The following OGFOD1 variants were observed in gnomAD, a reference collection of about 807,000 sequenced individuals.
The protein encoded by OGFOD1 is 2-oxoglutarate and iron dependent oxygenase domain containing 1, also known as prolyl 3-hydroxylase OGFOD1.
In OGFOD1, 54 loss-of-function variants were observed where a neutral mutation model predicts 67.7. The observed-to-expected ratio is 0.80, with a 90% CI of 0.64 to 1.00. OGFOD1 has a LOEUF of 1.00. Ranked by LOEUF, OGFOD1 falls within the 50% of genes least tolerant of loss-of-function variation. The probability of loss-of-function intolerance (pLI) is 0.00; values close to 1 mark genes in which losing one functional copy is unlikely to be tolerated. For synonymous variants in OGFOD1, 221 were observed against 227.0 expected (o/e 0.97, Z 0.24); for missense variants, 606 against 646.7 (o/e 0.94, Z 0.68).
chr16:56,475,973 C>G, intron 12 of OGFOD1, 71 bp from the exon 13 acceptor site: 1 of 1,346,288 alleles, frequency 7.4e-7, no homozygotes, highest in South Asian at 1.3e-5. Context: ...ACCATCTGTT[C>G]CATGGTTAAT....
chr16:56,460,379 G>A (rs1473849937), intron 3 of OGFOD1, among the ~76,000 whole-genome samples: 2 of 152,236 alleles, frequency 1.3e-5, no homozygotes, highest in East Asian at 3.8e-4. Flanking sequence ...CACTTTCATA[G>A]AATGAATAGA....
intron 2 of OGFOD1, among the ~76,000 whole-genome samples, chr16:56,456,638 A>G (rs1962532470): frequency 6.6e-6 from 1 of 152,240 alleles, no homozygotes; most frequent in African/African-American, 2.4e-5. Context: ...AACAGATACG[A>G]TAGTGGTCCC....
intron 2 of OGFOD1, among the ~76,000 whole-genome samples, chr16:56,455,259 C>T (rs531459556): frequency 6.3e-4 from 96 of 151,532 alleles, no homozygotes; most frequent in African/African-American, 2.3e-3. Context: ...CCCAGCTACT[C>T]GGAAGGCTGA....
chr16:56,458,844 C>T (rs1246389228), intron 3 of OGFOD1: 2 of 469,170 alleles, frequency 4.3e-6, no homozygotes, highest in Non-Finnish European at 7.7e-6. Context: ...TGTTAGTAAT[C>T]AAGGAAACAG....
chr16:56,461,059 C>G (rs1310581040), intron 3 of OGFOD1, among the ~76,000 whole-genome samples: 1 of 152,194 alleles, frequency 6.6e-6, no homozygotes, highest in African/African-American at 2.4e-5. Context: ...CAACACTCAT[C>G]ATTATTGCCA....
chr16:56,475,747 A>T (rs922575205), intron 12 of OGFOD1, among the ~76,000 whole-genome samples, 182 bp downstream of exon 12: 4 of 152,238 alleles, frequency 2.6e-5, no homozygotes, highest in Non-Finnish European at 5.9e-5. Flanking sequence ...GATACTCAGT[A>T]AGCATTTATT....
At chr16:56,464,980 ACATT>A (rs1341425108) in intron 4 of OGFOD1, among the ~76,000 whole-genome samples, 2 of 151,944 alleles carry the variant, frequency 1.3e-5, no homozygotes, top group African/African-American at 2.4e-5. Context: ...GCACACACAT[ACATT>A]TACATTTGGA....
At position 56,466,166 on chromosome 16, in the gene OGFOD1, CATG is replaced by C; in HGVS notation, c.471_473del (p.Asp157del). 1 of 1,613,946 alleles carries C rather than the reference CATG, an allele frequency of 6.2e-7. No individual in the cohort carries two copies. Among genetic ancestry groups the C allele is most frequent in the East Asian group, 2.2e-5 (1 of 44,882 alleles). On this transcript the variant is annotated inframe_deletion, in exon 5 of 13. Transcript: ENST00000566157. ...AACTATTGCAGATGCCCTGCTGTGC[CATG>C]ATGATGAGCTGGAAGGGCGCCGGAT... is the stretch of plus-strand genomic sequence containing the variant.
At chr16:56,454,223 C>T (rs1263293894) in intron 2 of OGFOD1, among the ~76,000 whole-genome samples, 3 of 152,102 alleles carry the variant, frequency 2.0e-5, no homozygotes, top group Non-Finnish European at 2.9e-5. Flanking sequence ...TGGCATGTAC[C>T]TGTAATCCCA....
chr16:56,475,391 T>TA (rs143395992), intron 11 of OGFOD1, 116 bp from the exon 12 acceptor site: 2 of 908,018 alleles, frequency 2.2e-6, no homozygotes, highest in East Asian at 4.8e-5. Context: ...TAGAACCAGT[T>TA]ACTGCTGAAC....
intron 10 of OGFOD1, among the ~76,000 whole-genome samples, chr16:56,473,206 A>G (rs1385785552): frequency 1.3e-5 from 2 of 152,218 alleles, no homozygotes; most frequent in Non-Finnish European, 2.9e-5. Flanking sequence ...CTGGGATTAC[A>G]GGAGTGAGCC....
At chr16:56,464,467 A>G (rs564805477) in intron 4 of OGFOD1, among the ~76,000 whole-genome samples, 1 of 152,306 alleles carries the variant, frequency 6.6e-6, no homozygotes, top group South Asian at 2.1e-4. Context: ...AATTATTACC[A>G]TGAAGGTTGC....
At chr16:56,456,888 C>G (rs550174173) in intron 2 of OGFOD1, among the ~76,000 whole-genome samples, 1 of 152,192 alleles carries the variant, frequency 6.6e-6, no homozygotes, top group Non-Finnish European at 1.5e-5. Context: ...ATAAATTTCT[C>G]AGAGTGTAAA....
At chr16:56,462,804 G>A (rs1962757750) in intron 4 of OGFOD1, among the ~76,000 whole-genome samples, 170 bp downstream of exon 4, 1 of 152,158 alleles carries the variant, frequency 6.6e-6, no homozygotes, top group South Asian at 2.1e-4. Context: ...TTATTGGAAG[G>A]CATAAGCAGT....
chr16:56,451,789 G>A (rs1276492080), intron 1 of OGFOD1, 23 bp downstream of exon 1: 3 of 1,610,910 alleles, frequency 1.9e-6, no homozygotes, highest in East Asian at 2.2e-5. Flanking sequence ...TCTCAGGGAG[G>A]GGCCGCCACG....
intron 12 of OGFOD1, 57 bp from the exon 13 acceptor site, chr16:56,475,986 TC>T (rs1211736598): frequency 6.8e-7 from 1 of 1,464,598 alleles, no homozygotes; most frequent in South Asian, 1.2e-5. Flanking sequence ...TGGTTAATCA[TC>T]CAAGATTTGA....
intron 2 of OGFOD1, among the ~76,000 whole-genome samples, chr16:56,456,224 T>G (rs955521122): frequency 2.0e-5 from 3 of 151,222 alleles, no homozygotes; most frequent in African/African-American, 7.4e-5. Context: ...CCATGCTCTC[T>G]TGGTTTCTCT....
At chr16:56,458,498 G>T in intron 2 of OGFOD1, 50 bp from the exon 3 acceptor site, 1 of 1,528,772 alleles carries the variant, frequency 6.5e-7, no homozygotes, top group Non-Finnish European at 9.1e-7. Flanking sequence ...TCCTTTGTGT[G>T]TCTCTTATGT....
intron 8 of OGFOD1, 24 bp from the exon 9 acceptor site, chr16:56,469,979 C>A: frequency 6.2e-7 from 1 of 1,609,204 alleles, no homozygotes; most frequent in Non-Finnish European, 8.5e-7. Flanking sequence ...CTGCTGAATG[C>A]TTCTTTATTT....
Sources: allele counts gnomAD v4.1 joint callset (sites outside exome capture counted in the v4.1 genomes callset), GRCh38; gene constraint gnomAD v4.1.1; transcripts MANE v1.5; gene names NCBI Gene and HGNC (gene_info 2026-07-23, HGNC 2026-07-21).